Variants in ARHGEF37 observed in about 807,000 individuals in gnomAD.
The protein encoded by ARHGEF37 is Rho guanine nucleotide exchange factor (GEF) 37.
A neutral mutation model predicts 71.1 loss-of-function variants in ARHGEF37; 55 were observed. That is an observed-to-expected ratio of 0.77 (90% CI 0.62 to 0.97). The LOEUF is 0.97. Ranked by LOEUF, ARHGEF37 falls within the 50% of genes least tolerant of loss-of-function variation. The pLI, the probability that ARHGEF37 is intolerant of heterozygous loss-of-function variation, is 0.00. For missense variants in ARHGEF37, 765 were observed against 836.8 expected, an observed-to-expected ratio of 0.91 and a Z score of 1.06; for synonymous variants, 327 against 350.6, an observed-to-expected ratio of 0.93 and a Z score of 0.75.
intron 11 of ARHGEF37, among the ~76,000 whole-genome samples, chr5:149,627,981 A>G (rs1055779727): frequency 2.6e-5 from 4 of 152,278 alleles, no homozygotes; most frequent in African/African-American, 9.6e-5. Context: ...TAATTCCATG[A>G]TTATAATCAT....
At chr5:149,627,367 G>A (rs1237407423) in intron 11 of ARHGEF37, 96 bp downstream of exon 11, 1 of 1,401,664 alleles carries the variant, frequency 7.1e-7, no homozygotes, top group Non-Finnish European at 9.7e-7. Context: ...GTCAAAGTCT[G>A]GCTGGGCATT....
chr5:149,627,130 C>T lies in ARHGEF37; in HGVS notation c.1519C>T (p.Pro507Ser). 2.5e-6 allele frequency: 4 copies of T among 1,614,146 alleles called. No homozygotes were observed. Among genetic ancestry groups the T allele is most frequent in the Non-Finnish European group, 3.4e-6 (4 of 1,180,036 alleles). ...QVQALLSRYG[P>S]GKLYQVTSNI... ...GCAGGCTCTCCTGAGCAGGTATGGC[C>T]CTGGGAAGCTGTACCAGGTGACAAG... Residue 507 changes from proline to serine, a missense_variant, in exon 11 of 13, where the codon CCT (proline) becomes TCT (serine). Pro to Ser is a moderately conservative substitution (Grantham distance 74, BLOSUM62 -1). This residue lies in a region of ARHGEF37 where 390 missense variants were observed against 407.4 expected (regional missense o/e 0.96). Coordinates refer to ENST00000333677, the MANE Select transcript of ARHGEF37 (RefSeq NM_001001669.3).
chr5:149,630,518 T>A (rs1752848406), intron 12 of ARHGEF37, among the ~76,000 whole-genome samples: 1 of 152,146 alleles, frequency 6.6e-6, no homozygotes, highest in Admixed American at 6.6e-5. Flanking sequence ...GCTCTAGTGC[T>A]TGTGCCACAC....
intron 1 of ARHGEF37, among the ~76,000 whole-genome samples, chr5:149,555,663 A>G (rs1762744506): frequency 6.6e-6 from 1 of 152,058 alleles, no homozygotes; most frequent in African/African-American, 2.4e-5. Context: ...CAGTAAGACA[A>G]AGTGGCTTGC....
intron 3 of ARHGEF37, among the ~76,000 whole-genome samples, chr5:149,604,095 G>A (rs534959704): frequency 2.0e-5 from 3 of 152,064 alleles, no homozygotes; most frequent in East Asian, 1.9e-4. Context: ...CTTTGAGCTC[G>A]GGCTCTTCTA....
At chr5:149,617,463 G>C (rs10068134) in intron 5 of ARHGEF37, among the ~76,000 whole-genome samples, 85 of 152,318 alleles carry the variant, frequency 5.6e-4, no homozygotes, top group African/African-American at 1.7e-3. Flanking sequence ...TTACATGACT[G>C]AGACAACATA....
At chr5:149,607,729 C>A (rs552682936) in intron 3 of ARHGEF37, among the ~76,000 whole-genome samples, 1 of 145,458 alleles carries the variant, frequency 6.9e-6, no homozygotes, top group Non-Finnish European at 1.5e-5. Context: ...ACATTCTCAA[C>A]GGTGGGGAGA....
intron 3 of ARHGEF37, among the ~76,000 whole-genome samples, chr5:149,603,557 A>G (rs531387162): frequency 7.2e-5 from 11 of 152,328 alleles, no homozygotes; most frequent in African/African-American, 2.6e-4. Flanking sequence ...TCCTCTGAAA[A>G]TATAGTTCTT....
In ARHGEF37 at chr5:149,602,975, C is replaced by G. The variant is rs112748528; in HGVS notation, c.310+1744C>G. ...TGAGATGGAGTCTCGCTCTGTCACC[C>G]AGGCTGGAGTGCGATGGCATGATCT... On this transcript the variant is annotated intron_variant, in intron 3 of 12. Coordinates refer to ENST00000333677, the MANE Select transcript of ARHGEF37 (RefSeq NM_001001669.3). Among the ~76,000 whole-genome samples the G allele has an allele frequency of 5.0e-3, 768 of 152,234 alleles. 7 individuals are homozygous for G. The highest frequency in any genetic ancestry group is 0.011 in the African/African-American group (473 of 41,548).
chr5:149,597,804 G>GAT lies in ARHGEF37; in HGVS notation c.35_36insAT (p.Ser13CysfsTer70). On this transcript the variant is annotated frameshift_variant, in exon 2 of 13. Transcript: ENST00000333677. LOFTEE classifies it high-confidence loss of function. ...CATGGAGCCGACGAGCCATCCTCCA[G>GAT]GTCAGGGAGTCCGGACAGGGAAGGT... 6.3e-7 allele frequency: 1 copy of GAT among 1,584,878 alleles called. No homozygotes were observed. The highest frequency in any genetic ancestry group is 2.3e-5 in the East Asian group (1 of 43,128).
chr5:149,624,227 T>C, intron 10 of ARHGEF37, 87 bp downstream of exon 10: 1 of 1,465,932 alleles, frequency 6.8e-7, no homozygotes, highest in Non-Finnish European at 9.2e-7. Flanking sequence ...TTTCCTTTCC[T>C]TTTTGGTCCC....
intron 1 of ARHGEF37, among the ~76,000 whole-genome samples, chr5:149,563,464 G>A (rs1236701384): frequency 2.6e-5 from 4 of 152,190 alleles, no homozygotes; most frequent in African/African-American, 9.7e-5. Context: ...AGGATTTCAA[G>A]TTCTGTCATT....
intron 1 of ARHGEF37, among the ~76,000 whole-genome samples, chr5:149,552,704 G>T (rs1762697117): frequency 6.6e-6 from 1 of 151,996 alleles, no homozygotes; most frequent in South Asian, 2.1e-4. Context: ...CGGGTGTGAT[G>T]GCGCACACTT....
At chr5:149,581,756 A>G (rs1342808422) in intron 1 of ARHGEF37, 132 bp downstream of exon 1, 1 of 152,288 alleles carries the variant, frequency 6.6e-6, no homozygotes, top group Admixed American at 6.5e-5. Context: ...CCCGGGTCCC[A>G]ACTTGCTTGG....
intron 5 of ARHGEF37, 67 bp from the exon 6 acceptor site, chr5:149,618,109 T>C: frequency 1.3e-6 from 2 of 1,597,386 alleles, no homozygotes; most frequent in East Asian, 2.2e-5. Context: ...CAGCCGGGCA[T>C]GTCCGTGACA....
At chr5:149,608,298 GAC>G (rs1763974167) in intron 3 of ARHGEF37, among the ~76,000 whole-genome samples, 2 of 144,266 alleles carry the variant, frequency 1.4e-5, no homozygotes, top group Non-Finnish European at 3.0e-5. Context: ...TATGTAATAT[GAC>G]ATATATAATA....
intron 3 of ARHGEF37, chr5:149,606,836 C>T (rs1385351300): frequency 6.6e-6 from 1 of 152,180 alleles, no homozygotes; most frequent in Non-Finnish European, 1.5e-5. Flanking sequence ...ACCTGAATCC[C>T]TTACTGCACT....
Position 149,597,844 on chromosome 5 carries a change from C to G in ARHGEF37, c.75C>G (p.Asp25Glu), listed in dbSNP as rs202106229. The G allele has an allele frequency of 9.1e-5, 146 of 1,609,874 alleles. 1 individual carries two copies. In the African/African-American group the frequency reaches 1.8e-3, roughly 20 times the overall value. Residue 25 changes from aspartate (D) to glutamate (E), a missense_variant, in exon 2 of 13, where the codon GAC becomes GAG. Around this residue, in one of 5 missense-constraint regions of ARHGEF37, gnomAD observed 201 missense variants for 217.5 expected, o/e 0.92. Transcript: ENST00000333677. ...ACAGGGAAGGTAGGGCCTCTGAGGA[C>G]AGATCGCTGCTTCATCAGAGGCTGG... ...SPDREGRASE[D>E]RSLLHQRLAV...
At chr5:149,629,476 C>A (rs1056165432) in intron 12 of ARHGEF37, among the ~76,000 whole-genome samples, 6 of 152,146 alleles carry the variant, frequency 3.9e-5, no homozygotes, top group African/African-American at 1.4e-4. Context: ...TTTTCTCAAA[C>A]AGGAAGGGAG....
Sources: allele counts gnomAD v4.1 joint callset (sites outside exome capture counted in the v4.1 genomes callset), GRCh38; gene constraint gnomAD v4.1.1; regional missense constraint gnomAD v4.1.1; transcripts MANE v1.5; gene names NCBI Gene and HGNC (gene_info 2026-07-23, HGNC 2026-07-21).